MDGA2: variants seen among roughly 807,000 people sequenced by gnomAD.
The protein encoded by MDGA2 is MAM domain-containing glycosylphosphatidylinositol anchor protein 2.
A neutral mutation model predicts 117.8 loss-of-function variants in MDGA2; 40 were observed. The ratio of observed to expected loss-of-function variants is 0.34; its 90% confidence interval spans 0.26 to 0.44. The LOEUF (loss-of-function observed/expected upper bound fraction) is 0.44. Among genes scored for constraint, MDGA2 ranks in the 20% least tolerant of loss-of-function variants. MDGA2 has a pLI of 1.00. For missense variants in MDGA2, 1,123 were observed against 1,250.6 expected (o/e 0.90, Z 1.54); for synonymous variants, 452 against 439.0 (o/e 1.03, Z -0.37).
intron 1 of MDGA2, among the ~76,000 whole-genome samples, chr14:47,313,384 C>T (rs1393202023): frequency 6.6e-5 from 10 of 152,184 alleles, no homozygotes; most frequent in African/African-American, 2.2e-4. Flanking sequence ...GCAATCCTCC[C>T]GCCTCAGCCT....
Position 47,120,470 on chromosome 14 carries a change from C to G in MDGA2, c.925+11244G>C, listed in dbSNP as rs373041655. Among the ~76,000 whole-genome samples the G allele has an allele frequency of 5.9e-5, 9 of 152,038 alleles. No individual in the cohort carries two copies. The East Asian group carries it at 1.3e-3, about 23-fold the overall frequency. On this transcript the variant is annotated intron_variant, in intron 5 of 16. Transcript: ENST00000399232. ...AAAAGGAGGTAGAAGAAAGAAATACCTTTGAAATATGAACTAAAGCATATT... is the reference window on the plus strand; with the variant it reads ...AAAAGGAGGTAGAAGAAAGAAATACGTTTGAAATATGAACTAAAGCATATT...
Position 47,475,197 on chromosome 14 carries a change from T to C in MDGA2, c.281-173647A>G, listed in dbSNP as rs1305190784. ...TGCACAGACACTTCTTAAAAGAAGA[T>C]ATTCATGTGGCCAAGAAACATATTG... On this transcript the variant is annotated intron_variant, in intron 1 of 16. Coordinates refer to ENST00000399232, the MANE Select transcript of MDGA2 (RefSeq NM_001113498.3). Among the ~76,000 whole-genome samples the C allele has an allele frequency of 3.3e-5, 5 of 152,176 alleles. No individual in the cohort carries two copies. The East Asian group carries it at 9.6e-4, about 29-fold the overall frequency.
intron 6 of MDGA2, among the ~76,000 whole-genome samples, chr14:47,088,530 T>A (rs1890992969): frequency 6.6e-6 from 1 of 152,186 alleles, no homozygotes; most frequent in South Asian, 2.1e-4. Context: ...TTGATGAATC[T>A]AAATGCTTGG....
At chr14:47,024,250 T>G (rs551621962) in intron 8 of MDGA2, among the ~76,000 whole-genome samples, 1 of 152,162 alleles carries the variant, frequency 6.6e-6, no homozygotes, top group Non-Finnish European at 1.5e-5. Context: ...AAGTGAAAAC[T>G]TTGTGTACTG....
chr14:47,633,038 T>C (rs568261769), intron 1 of MDGA2, among the ~76,000 whole-genome samples: 4 of 152,334 alleles, frequency 2.6e-5, no homozygotes, highest in Admixed American at 2.6e-4. Flanking sequence ...GTAAAGTGGT[T>C]GGCATGCTGC....
At chr14:47,215,307 A>G (rs185418025) in intron 3 of MDGA2, among the ~76,000 whole-genome samples, 42 of 152,264 alleles carry the variant, frequency 2.8e-4, no homozygotes, top group African/African-American at 9.6e-4. Flanking sequence ...TCCAACATTC[A>G]ATCAAAATTA....
chr14:47,589,616 TAG>T (rs1342709714), intron 1 of MDGA2, among the ~76,000 whole-genome samples: 1 of 151,960 alleles, frequency 6.6e-6, no homozygotes, highest in Non-Finnish European at 1.5e-5. Flanking sequence ...CCAAATTTGT[TAG>T]TCTTTTGCAA....
chr14:47,541,479 A>G (rs893724086), intron 1 of MDGA2, among the ~76,000 whole-genome samples: 1 of 151,964 alleles, frequency 6.6e-6, no homozygotes, highest in Admixed American at 6.6e-5. Flanking sequence ...TGATGCTCAA[A>G]CTCTTAATGT....
intron 3 of MDGA2, among the ~76,000 whole-genome samples, chr14:47,153,540 C>T (rs1032502666): frequency 4.6e-5 from 7 of 151,858 alleles, no homozygotes; most frequent in Admixed American, 3.3e-4. Context: ...GCAATGTACA[C>T]GACCTAGAGC....
At chr14:47,547,435 A>C (rs1895485733) in intron 1 of MDGA2, among the ~76,000 whole-genome samples, 1 of 152,160 alleles carries the variant, frequency 6.6e-6, no homozygotes, top group African/African-American at 2.4e-5. Flanking sequence ...GATTTCTCCA[A>C]CTTCCTCATC....
rs560397899 is a variant in MDGA2 at position 47,395,038 on chromosome 14, C to T, written c.281-93488G>A. ...GGAGTGGGGCCTCATGCCTATGGTC[C>T]CAGTTACTCAGGAGGCTGAGGCAGG... is the stretch of plus-strand genomic sequence containing the variant. On this transcript the variant is annotated intron_variant, in intron 1 of 16. Coordinates refer to ENST00000399232, the MANE Select transcript of MDGA2 (RefSeq NM_001113498.3). 6.0e-4 allele frequency among the ~76,000 whole-genome samples: 91 copies of T among 152,056 alleles called. 1 individual carries two copies. Among genetic ancestry groups the T allele is most frequent in the African/African-American group, 2.1e-3 (86 of 41,486 alleles).
At chr14:47,658,789 G>A (rs1897791744) in intron 1 of MDGA2, among the ~76,000 whole-genome samples, 2 of 152,126 alleles carry the variant, frequency 1.3e-5, no homozygotes, top group South Asian at 2.1e-4. Flanking sequence ...CTCTGCCCCA[G>A]GGGCAACCCA....
At chr14:46,860,821 A>C (rs1222071162) in intron 14 of MDGA2, among the ~76,000 whole-genome samples, 1 of 151,798 alleles carries the variant, frequency 6.6e-6, no homozygotes, top group Admixed American at 6.6e-5. Flanking sequence ...CGTAAAGTTC[A>C]TATTCTTATA....
At chr14:46,980,602 A>C (rs1049054302) in intron 8 of MDGA2, among the ~76,000 whole-genome samples, 4 of 152,170 alleles carry the variant, frequency 2.6e-5, no homozygotes, top group African/African-American at 9.6e-5. Flanking sequence ...ATCTTTCATG[A>C]AATGAAATGA....
chr14:47,616,348 A>G (rs1317686529), intron 1 of MDGA2, among the ~76,000 whole-genome samples: 1 of 152,358 alleles, frequency 6.6e-6, no homozygotes, highest in Non-Finnish European at 1.5e-5. Flanking sequence ...TGCTACTTAT[A>G]TAATTTGTAA....
chr14:47,321,985 T>A (rs1223240216), intron 1 of MDGA2, among the ~76,000 whole-genome samples: 6 of 152,184 alleles, frequency 3.9e-5, no homozygotes, highest in African/African-American at 1.4e-4. Context: ...AATAAATAGC[T>A]AGTTTATTTG....
At chr14:47,160,028 A>G (rs1285048939) in intron 3 of MDGA2, among the ~76,000 whole-genome samples, 1 of 152,142 alleles carries the variant, frequency 6.6e-6, no homozygotes, top group Admixed American at 6.5e-5. Flanking sequence ...TCCATCCAGA[A>G]CCGAATTTTG....
chr14:47,455,838 G>A (rs927935073), intron 1 of MDGA2, among the ~76,000 whole-genome samples: 3 of 151,510 alleles, frequency 2.0e-5, no homozygotes, highest in African/African-American at 4.8e-5. Flanking sequence ...CTTTACTAAA[G>A]ATACAAAAAT....
chr14:46,923,924 T>C (rs1884228210), intron 9 of MDGA2, among the ~76,000 whole-genome samples: 1 of 152,062 alleles, frequency 6.6e-6, no homozygotes, highest in Non-Finnish European at 1.5e-5. Context: ...TTTTAATGCC[T>C]CAGGCATTTT....
Sources: gnomAD v4.1 joint callset for allele counts (sites outside exome capture counted in the v4.1 genomes callset) on GRCh38, gnomAD v4.1.1 for gene constraint, MANE v1.5 for transcripts, NCBI Gene and HGNC (gene_info 2026-07-23, HGNC 2026-07-21) for gene names.